The following ANKFN1 variants were observed in gnomAD, a reference collection of about 807,000 sequenced individuals.
ANKFN1 encodes the protein ankyrin repeat and fibronectin type III domain containing 1.
ANKFN1 carries 74 observed loss-of-function variants against 108.7 expected under a neutral mutation model. The ratio of observed to expected loss-of-function variants is 0.68; its 90% CI spans 0.56 to 0.83. The LOEUF is 0.83. ANKFN1 is among the 40% of genes least tolerant of loss of function. The probability of loss-of-function intolerance (pLI) is 0.00; values close to 1 mark genes in which losing one functional copy is unlikely to be tolerated. For missense variants in ANKFN1, 1,505 were observed against 1,382.3 expected, an observed-to-expected ratio of 1.09 and a Z score of -1.41; for synonymous variants, 547 against 516.2, an observed-to-expected ratio of 1.06 and a Z score of -0.81.
chr17:56,193,453 A>C (rs1913189210), intron 1 of ANKFN1, among the ~76,000 whole-genome samples: 1 of 151,860 alleles, frequency 6.6e-6, no homozygotes, highest in African/African-American at 2.4e-5. Flanking sequence ...ATTTATTTGT[A>C]GCGTTTTTAA....
intron 1 of ANKFN1, among the ~76,000 whole-genome samples, chr17:56,197,404 T>TA (rs1194598975): frequency 1.3e-5 from 2 of 152,228 alleles, no homozygotes. Context: ...GGAGGTCTTG[T>TA]ATGTGGGAAT....
At chr17:56,421,262 A>G (rs2048396890) in intron 8 of ANKFN1, among the ~76,000 whole-genome samples, 1 of 152,210 alleles carries the variant, frequency 6.6e-6, no homozygotes, top group Non-Finnish European at 1.5e-5. Flanking sequence ...ATGGTGCAAG[A>G]CAGTGGGCTT....
intron 4 of ANKFN1, among the ~76,000 whole-genome samples, chr17:56,064,448 C>A (rs967640736): frequency 6.6e-6 from 1 of 152,180 alleles, no homozygotes; most frequent in Non-Finnish European, 1.5e-5. Context: ...GGAGTCCCTG[C>A]AGGGAAGCCC....
intron 8 of ANKFN1, among the ~76,000 whole-genome samples, chr17:56,438,394 G>A (rs898588692): frequency 1.3e-5 from 2 of 152,126 alleles, no homozygotes; most frequent in East Asian, 1.9e-4. Flanking sequence ...CTGAAAAATG[G>A]CAGGAATTTA....
intron 4 of ANKFN1, among the ~76,000 whole-genome samples, chr17:56,343,398 A>C (rs956361335): frequency 6.6e-6 from 1 of 151,838 alleles, no homozygotes; most frequent in Non-Finnish European, 1.5e-5. Flanking sequence ...TTTTTTGTTC[A>C]TCACTTTGAT....
intron 8 of ANKFN1, among the ~76,000 whole-genome samples, chr17:56,397,155 T>A (rs1004565085): frequency 2.4e-4 from 36 of 152,054 alleles, no homozygotes; most frequent in African/African-American, 8.7e-4. Context: ...TTAACAAAAA[T>A]TGACATCTAA....
Position 56,359,363 on chromosome 17 carries a change from G to A in ANKFN1, c.601+5317G>A, listed in dbSNP as rs191407806. Among the ~76,000 whole-genome samples, 1,247 of 152,268 alleles carry A rather than the reference G, an allele frequency of 8.2e-3. 10 individuals carry two copies. The highest frequency in any genetic ancestry group is 0.012 in the Non-Finnish European group (828 of 68,018). On this transcript the variant is annotated intron_variant, in intron 6 of 20. Coordinates refer to ENST00000682825, the MANE Select transcript of ANKFN1 (RefSeq NM_001370326.1). ...TTTCCAGACATTGTTACAGAATTTG[G>A]TTGTAGATGTAGCCTAGTTGTTTTT...
intron 8 of ANKFN1, among the ~76,000 whole-genome samples, chr17:56,387,422 G>C (rs1164346350): frequency 6.6e-6 from 1 of 152,088 alleles, no homozygotes; most frequent in Non-Finnish European, 1.5e-5. Flanking sequence ...GTTTTTCAAG[G>C]AATCACTTTA....
chr17:56,171,069 G>A (rs1005674231), intron 1 of ANKFN1, among the ~76,000 whole-genome samples: 4 of 151,776 alleles, frequency 2.6e-5, no homozygotes, highest in African/African-American at 7.3e-5. Context: ...GTTATTTGCA[G>A]GAGTTAGAAA....
At chr17:56,189,454 G>A (rs1256863910) in intron 1 of ANKFN1, among the ~76,000 whole-genome samples, 2 of 151,964 alleles carry the variant, frequency 1.3e-5, no homozygotes, top group Admixed American at 1.3e-4. Flanking sequence ...ACAGGCGTGA[G>A]CCACCGCGCC....
chr17:56,471,450 C>T (rs1240946672), intron 15 of ANKFN1: 1 of 152,134 alleles, frequency 6.6e-6, no homozygotes, highest in African/African-American at 2.4e-5. Context: ...GCTTTTTTTC[C>T]AGCACATTCC....
At chr17:56,118,728 A>G (rs1468626652) in intron 4 of ANKFN1, among the ~76,000 whole-genome samples, 1 of 152,160 alleles carries the variant, frequency 6.6e-6, no homozygotes, top group South Asian at 2.1e-4. Flanking sequence ...AACATATTAC[A>G]TCATTTATTT....
At chr17:56,391,715 C>T (rs1383895193) in intron 8 of ANKFN1, among the ~76,000 whole-genome samples, 1 of 152,106 alleles carries the variant, frequency 6.6e-6, no homozygotes, top group African/African-American at 2.4e-5. Flanking sequence ...CGTGAGCCAC[C>T]GCGCCTGACC....
intron 4 of ANKFN1, among the ~76,000 whole-genome samples, chr17:56,123,764 A>G (rs1173635180): frequency 2.0e-5 from 3 of 150,540 alleles, no homozygotes; most frequent in Non-Finnish European, 4.4e-5. Flanking sequence ...CCTTGTGTAC[A>G]TTATGTGTGT....
intron 14 of ANKFN1, among the ~76,000 whole-genome samples, chr17:56,458,826 G>T (rs191931185): frequency 6.6e-6 from 1 of 152,230 alleles, no homozygotes; most frequent in African/African-American, 2.4e-5. Flanking sequence ...TGTAAGCTGT[G>T]TTTGGCCAGG....
intron 4 of ANKFN1, among the ~76,000 whole-genome samples, chr17:56,073,027 C>G (rs533356699): frequency 2.6e-4 from 39 of 151,652 alleles, no homozygotes; most frequent in Non-Finnish European, 5.9e-5. Context: ...GAGTCTCGCT[C>G]TGTCGCCCAG....
intron 3 of ANKFN1, among the ~76,000 whole-genome samples, chr17:56,235,356 G>T (rs981518595): frequency 2.6e-5 from 4 of 152,052 alleles, no homozygotes; most frequent in African/African-American, 7.2e-5. Flanking sequence ...TTTTACATTT[G>T]ATTAGATCCC....
chr17:56,152,582 G>T (rs1333389115), upstream of ANKFN1, among the ~76,000 whole-genome samples: 1 of 152,056 alleles, frequency 6.6e-6, no homozygotes, highest in African/African-American at 2.4e-5. Context: ...AGCCACATCT[G>T]CTGAGCCTCA....
intron 3 of ANKFN1, among the ~76,000 whole-genome samples, chr17:56,305,487 T>C (rs1373286415): frequency 2.0e-5 from 3 of 152,248 alleles, no homozygotes; most frequent in South Asian, 2.1e-4. Flanking sequence ...CATTTTCTCA[T>C]TGGCATATTT....
Sources: allele counts gnomAD v4.1 joint callset (sites outside exome capture counted in the v4.1 genomes callset), GRCh38; gene constraint gnomAD v4.1.1; transcripts MANE v1.5; gene names NCBI Gene and HGNC (gene_info 2026-07-23, HGNC 2026-07-21).